STK31: variants seen among roughly 807,000 people sequenced by gnomAD.
STK31 encodes the protein serine/threonine kinase 31.
STK31 carries 89 observed loss-of-function variants against 129.7 expected under a neutral mutation model. That is an observed-to-expected ratio of 0.69 (90% CI 0.58 to 0.82). STK31 has a LOEUF of 0.82. STK31 is among the 40% of genes least tolerant of loss of function. The probability of loss-of-function intolerance (pLI) is 0.00; values close to 1 mark genes in which losing one functional copy is unlikely to be tolerated. For synonymous variants in STK31, 448 were observed against 395.3 expected (o/e 1.13, Z -1.58); for missense variants, 1,187 against 1,176.4 (o/e 1.01, Z -0.13).
intron 6 of STK31, among the ~76,000 whole-genome samples, chr7:23,733,251 T>C (rs1787532840): frequency 6.6e-6 from 1 of 152,140 alleles, no homozygotes; most frequent in African/African-American, 2.4e-5. Flanking sequence ...GTTTTGTGGA[T>C]TTAAAAAATT....
At chr7:23,814,038 C>T (rs2128126882) in intron 22 of STK31, among the ~76,000 whole-genome samples, 1 of 151,894 alleles carries the variant, frequency 6.6e-6, no homozygotes, top group East Asian at 1.9e-4. Flanking sequence ...CTTCTGGCCT[C>T]ACATGGTGGT....
rs565342122 is a variant in STK31 at position 23,795,139 on chromosome 7, A to G, written c.2760+4193A>G. Among the ~76,000 whole-genome samples the G allele has an allele frequency of 4.6e-5, 7 of 152,336 alleles. No individual in the cohort carries two copies. The South Asian group carries it at 1.0e-3, about 23-fold the overall frequency. On this transcript the variant is annotated intron_variant, in intron 22 of 23. Coordinates refer to ENST00000355870, the MANE Select transcript of STK31 (RefSeq NM_031414.5). ...AAGCTTCGCAGCAGCCCTTCCCATC[A>G]CAGGCACAGAGGCCTAGGAGGAAAA...
intron 22 of STK31, among the ~76,000 whole-genome samples, chr7:23,797,933 A>C (rs1380004502): frequency 6.6e-6 from 1 of 152,242 alleles, no homozygotes; most frequent in Non-Finnish European, 1.5e-5. Flanking sequence ...CACTGATCCC[A>C]CAGAAATCCA....
At chr7:23,721,186 T>A (rs1786665463) in intron 4 of STK31, 1 of 311,992 alleles carries the variant, frequency 3.2e-6, no homozygotes, top group Non-Finnish European at 5.9e-6. Context: ...AAACAAGTTT[T>A]GCTTTTTTCC....
At chr7:23,734,888 C>T (rs775065394) in intron 6 of STK31, among the ~76,000 whole-genome samples, 1 of 152,046 alleles carries the variant, frequency 6.6e-6, no homozygotes, top group African/African-American at 2.4e-5. Context: ...TCGCTTGAAC[C>T]GGGGAGGCAG....
At chr7:23,828,334 G>A (rs896401565) in intron 23 of STK31, among the ~76,000 whole-genome samples, 3 of 152,332 alleles carry the variant, frequency 2.0e-5, no homozygotes, top group Admixed American at 1.3e-4. Flanking sequence ...CTTGCAGTTT[G>A]ATCTGAGATT....
At chr7:23,775,842 C>T (rs1236776824) in intron 15 of STK31, among the ~76,000 whole-genome samples, 1 of 152,058 alleles carries the variant, frequency 6.6e-6, no homozygotes, top group African/African-American at 2.4e-5. Context: ...GCTTGATTGC[C>T]CTGTCCAGAA....
chr7:23,829,826 A>G (rs964322608), intron 23 of STK31, among the ~76,000 whole-genome samples: 7 of 152,112 alleles, frequency 4.6e-5, no homozygotes, highest in African/African-American at 9.7e-5. Context: ...TGGTCTGTTC[A>G]TGTTTTCTAT....
intron 10 of STK31, among the ~76,000 whole-genome samples, chr7:23,761,660 G>A (rs987196017): frequency 3.3e-5 from 5 of 150,306 alleles, no homozygotes; most frequent in Non-Finnish European, 7.4e-5. Context: ...CGCCTGCCTC[G>A]GCCTCCCAAA....
chr7:23,800,590 G>T (rs1272946240), intron 22 of STK31, among the ~76,000 whole-genome samples: 1 of 151,902 alleles, frequency 6.6e-6, no homozygotes, highest in Non-Finnish European at 1.5e-5. Context: ...ACACAGTGGG[G>T]CCTGTTGGGG....
chr7:23,790,384 C>G (rs1048097876), intron 21 of STK31, among the ~76,000 whole-genome samples: 1 of 152,110 alleles, frequency 6.6e-6, no homozygotes, highest in Non-Finnish European at 1.5e-5. Flanking sequence ...AGGATTCATG[C>G]TATTGTCACT....
chr7:23,746,051 G>C (rs1788332408), intron 8 of STK31, among the ~76,000 whole-genome samples: 1 of 152,244 alleles, frequency 6.6e-6, no homozygotes, highest in African/African-American at 2.4e-5. Flanking sequence ...GGCAGGAGAT[G>C]TCAGCTTTGC....
intron 22 of STK31, among the ~76,000 whole-genome samples, chr7:23,792,870 A>G (rs73082965): frequency 0.03 from 4,639 of 152,296 alleles, 78 homozygotes; most frequent in Middle Eastern, 0.061. Flanking sequence ...TACAAAAAAT[A>G]GAAATTAGCT....
chr7:23,749,051 G>A (rs1788524331), intron 8 of STK31, among the ~76,000 whole-genome samples: 1 of 152,200 alleles, frequency 6.6e-6, no homozygotes, highest in Non-Finnish European at 1.5e-5. Context: ...ACCTCTGATA[G>A]AGGGATGTTG....
At chr7:23,800,494 A>G (rs1043366357) in intron 22 of STK31, among the ~76,000 whole-genome samples, 4 of 152,134 alleles carry the variant, frequency 2.6e-5, no homozygotes, top group African/African-American at 9.7e-5. Flanking sequence ...AGAAAACCAA[A>G]TACCTCATGT....
At chr7:23,733,279 C>T (rs990306810) in intron 6 of STK31, among the ~76,000 whole-genome samples, 1 of 151,934 alleles carries the variant, frequency 6.6e-6, no homozygotes, top group Non-Finnish European at 1.5e-5. Context: ...CAGCTAGGCA[C>T]AGGGTGTGTG....
intron 22 of STK31, among the ~76,000 whole-genome samples, chr7:23,800,822 G>T (rs556470048): frequency 6.7e-6 from 1 of 148,900 alleles, no homozygotes; most frequent in Admixed American, 6.6e-5. Flanking sequence ...ATATAATTTT[G>T]TGAGTCTAGC....
intron 3 of STK31, among the ~76,000 whole-genome samples, chr7:23,714,806 A>T (rs2128060440): frequency 6.6e-6 from 1 of 152,280 alleles, no homozygotes; most frequent in South Asian, 2.1e-4. Flanking sequence ...AAAGGATCAG[A>T]TGATGAGTAT....
chr7:23,822,534 G>A (rs111726946), intron 23 of STK31, among the ~76,000 whole-genome samples: 2,144 of 152,302 alleles, frequency 0.014, 42 homozygotes, highest in African/African-American at 0.049. Flanking sequence ...TTTTGGTGGA[G>A]TCTTTAGGTT....
Sources: gnomAD v4.1 joint callset for allele counts (sites outside exome capture counted in the v4.1 genomes callset) on GRCh38, gnomAD v4.1.1 for gene constraint, MANE v1.5 for transcripts, NCBI Gene and HGNC (gene_info 2026-07-23, HGNC 2026-07-21) for gene names.